The following MYO19 variants were observed in gnomAD, a reference collection of about 807,000 sequenced individuals.
MYO19 encodes unconventional myosin-XIX.
MYO19 carries 132 observed loss-of-function variants against 129.2 expected under a neutral mutation model. That is an observed-to-expected ratio of 1.02 (90% confidence interval 0.89 to 1.18). MYO19 has a LOEUF of 1.18. Among genes scored for constraint, MYO19 ranks in the 50% most tolerant of loss-of-function variants. The pLI is 0.00. For synonymous variants in MYO19, 531 were observed against 477.2 expected (o/e 1.11, Z -1.47); for missense variants, 1,210 against 1,216.7 (o/e 0.99, Z 0.08).
At chr17:36,506,895 A>G in intron 17 of MYO19, 68 bp downstream of exon 17, 2 of 1,443,584 alleles carry the variant, frequency 1.4e-6, no homozygotes, top group Non-Finnish European at 1.8e-6. Flanking sequence ...GGAAACTACT[A>G]TGTCTGCATA....
intron 19 of MYO19, 62 bp downstream of exon 19, chr17:36,505,235 C>T: frequency 7.0e-7 from 1 of 1,422,108 alleles, no homozygotes; most frequent in Non-Finnish European, 1.0e-6. Flanking sequence ...TGCCCTTCAT[C>T]TCTCCAGGGC....
At chr17:36,506,366 A>T in intron 18 of MYO19, 90 bp downstream of exon 18, 2 of 1,561,122 alleles carry the variant, frequency 1.3e-6, no homozygotes, top group South Asian at 2.2e-5. Context: ...GCTCCCCAAC[A>T]AACAGCACCG....
chr17:36,495,818 C>T lies in MYO19; in HGVS notation c.*433G>A, dbSNP rs1301498637. ...ATTAAATAAATCAACTAATTAAATACTAAAGTTTTGTTCCTTTTTAAAGGA... is the reference window on the plus strand; with the variant it reads ...ATTAAATAAATCAACTAATTAAATATTAAAGTTTTGTTCCTTTTTAAAGGA... On this transcript the variant is annotated 3_prime_UTR_variant, in exon 26 of 26. Coordinates refer to ENST00000614623, the MANE Select transcript of MYO19 (RefSeq NM_001163735.2). 2 of 1,240,646 alleles carry T rather than the reference C, an allele frequency of 1.6e-6. No homozygotes were observed. The highest frequency in any genetic ancestry group is 3.1e-5 in the East Asian group (1 of 32,282). The allele number at this position is 1,240,646 out of a possible 1,614,324, so 76.9% of individuals were successfully genotyped here. A position where few individuals can be genotyped will look rare whatever the true frequency, so the allele number is the denominator to read the frequency against.
chr17:36,514,502 T>C lies in MYO19; in HGVS notation c.664A>G (p.Lys222Glu), dbSNP rs765521555. The C allele has an allele frequency of 6.2e-7, 1 of 1,613,768 alleles. No homozygotes were observed. Among genetic ancestry groups the C allele is most frequent in the South Asian group, 1.1e-5 (1 of 91,076 alleles). The change falls in exon 9 of 26, where the codon AAA (lysine) becomes GAA (glutamate). Residue 222 changes from lysine to glutamate, a missense_variant. Physicochemically the swap from Lys to Glu is moderately conservative, Grantham distance 56. Coordinates refer to ENST00000614623, the MANE Select transcript of MYO19 (RefSeq NM_001163735.2). ...GAAGCCTGGCAGGCCACTCGAGTTTTCTCTAGGAGGTAGGTCTGGACTGCG... is the reference window on the plus strand; with the variant it reads ...GAAGCCTGGCAGGCCACTCGAGTTTCCTCTAGGAGGTAGGTCTGGACTGCG... ...GAAVQTYLLE[K>E]TRVACQASSE...
rs1329162495 is a variant in MYO19, at chr17:36,507,793, C to T, written c.1353+10G>A. 2 of 1,602,040 alleles carry T rather than the reference C, an allele frequency of 1.2e-6. No individual in the cohort carries two copies. Among genetic ancestry groups the T allele is most frequent in the Non-Finnish European group, 1.7e-6 (2 of 1,172,980 alleles). ...AGAAGGACCTGCCTCCTGCTCACCC[C>T]ATCCCTCACCTGCTGGGCCCTTAGG... On this transcript the variant is annotated intron_variant, in intron 15 of 25. Coordinates refer to ENST00000614623, the MANE Select transcript of MYO19 (RefSeq NM_001163735.2).
intron 6 of MYO19, among the ~76,000 whole-genome samples, chr17:36,523,199 A>C (rs1474919535): frequency 2.0e-5 from 3 of 151,596 alleles, no homozygotes; most frequent in East Asian, 1.9e-4. Flanking sequence ...AAAAAAAAAA[A>C]AACAAAAACA....
intron 6 of MYO19, among the ~76,000 whole-genome samples, chr17:36,519,097 C>T (rs947546625): frequency 6.6e-6 from 1 of 152,164 alleles, no homozygotes; most frequent in African/African-American, 2.4e-5. Context: ...GTTTTCCCCA[C>T]ATTTCCCAGG....
At position 36,527,977 on chromosome 17, in the gene MYO19, G is replaced by T. The variant is rs951607934; in HGVS notation, c.151+87C>A. On this transcript the variant is annotated intron_variant, in intron 4 of 25. Transcript: ENST00000614623. ...CAGATCAGGAGTCCTGCCGACCTCC[G>T]TCTGACCTGGAGAAGCTGTGCTGAC... 6 of 1,527,818 alleles carry T rather than the reference G, an allele frequency of 3.9e-6. No individual in the cohort carries two copies. In the East Asian group the frequency reaches 1.1e-4, roughly 29 times the overall value. 94.6% of individuals were successfully genotyped at this position (1,527,818 alleles called of 1,614,324 possible).
At chr17:36,528,623 T>C (rs1336137936) in intron 3 of MYO19, among the ~76,000 whole-genome samples, 1 of 152,070 alleles carries the variant, frequency 6.6e-6, no homozygotes, top group African/African-American at 2.4e-5. Context: ...GGTATCATAG[T>C]CTGGTTGGGT....
Position 36,515,959 on chromosome 17 carries a change from T to C in MYO19, c.446A>G (p.Tyr149Cys), listed in dbSNP as rs187710120. Residue 149 changes from tyrosine (Y) to cysteine (C), a missense_variant, in exon 7 of 26, where the codon TAT becomes TGT. Transcript: ENST00000614623. ...TGCAGGTGAGGTGGCCACCACAGCA[T>C]AGAACTTCATTAGGCAGCGAGACGT... ...TWTSRCLMKF[Y>C]AVVATSPASW... 2,523 of 1,613,392 alleles carry C rather than the reference T, an allele frequency of 1.6e-3. 7 individuals are homozygous for C. Among genetic ancestry groups the C allele is most frequent in the Non-Finnish European group, 1.6e-3 (1,924 of 1,179,646 alleles).
Position 36,506,440 on chromosome 17 carries a change from A to C in MYO19, c.1797+16T>G, listed in dbSNP as rs1243235075. On this transcript the variant is annotated intron_variant, in intron 18 of 25. Transcript: ENST00000614623. ...GAGTTTGAACCAAGCACCTCCCATC[A>C]GCACATCAGACCCACCTTGAACTTG... is the stretch of plus-strand genomic sequence containing the variant. 1 of 1,613,746 alleles carries C rather than the reference A, an allele frequency of 6.2e-7. No homozygotes were observed. Among genetic ancestry groups the C allele is most frequent in the Non-Finnish European group, 8.5e-7 (1 of 1,179,850 alleles).
At chr17:36,515,825 A>C in intron 7 of MYO19, 33 bp downstream of exon 7, 1 of 1,588,158 alleles carries the variant, frequency 6.3e-7, no homozygotes, top group Non-Finnish European at 8.6e-7. Flanking sequence ...AGGAAATGGG[A>C]CTGAGATACT....
intron 6 of MYO19, among the ~76,000 whole-genome samples, chr17:36,522,795 CAGG>C (rs2073219282): frequency 6.6e-6 from 1 of 152,216 alleles, no homozygotes; most frequent in South Asian, 2.1e-4. Flanking sequence ...ATCACGAGGT[CAGG>C]AGATCGAGAC....
chr17:36,513,628 C>T lies in MYO19; in HGVS notation c.817+1G>A. The T allele has an allele frequency of 6.2e-7, 1 of 1,613,990 alleles. No individual in the cohort carries two copies. Among genetic ancestry groups the T allele is most frequent in the Non-Finnish European group, 8.5e-7 (1 of 1,179,880 alleles). ...AAGGTGCTGGATGGGGCTCCCCTTA[C>T]CTTCTAAGCTCCTCTCTGGGTTGGG... On this transcript the variant is annotated splice_donor_variant, in intron 10 of 25. Coordinates refer to ENST00000614623, the MANE Select transcript of MYO19 (RefSeq NM_001163735.2). LOFTEE classifies it high-confidence loss of function.
At chr17:36,521,006 A>T (rs2073098521) in intron 6 of MYO19, among the ~76,000 whole-genome samples, 1 of 152,206 alleles carries the variant, frequency 6.6e-6, no homozygotes. Flanking sequence ...TCACTAATGC[A>T]TTCTTTTGCA....
Position 36,506,614 on chromosome 17 carries a change from G to A in MYO19, c.1645-6C>T. On this transcript the variant is annotated splice_polypyrimidine_tract_variant and splice_region_variant and intron_variant, in intron 17 of 25. Transcript: ENST00000614623. The stretch of plus-strand genomic sequence containing the variant: ...AGCTCAGGTGGGATAGGGTCCTATT[G>A]GGAAATGGCAAGAGCAGCAGTGAGG... The A allele has an allele frequency of 6.6e-7, 1 of 1,521,654 alleles. No homozygotes were observed. Among genetic ancestry groups the A allele is most frequent in the South Asian group, 1.3e-5 (1 of 75,244 alleles). 94.3% of individuals were successfully genotyped at this position (1,521,654 alleles called of 1,614,324 possible). A position where few individuals can be genotyped will look rare whatever the true frequency, so the allele number is the denominator to read the frequency against.
intron 9 of MYO19, 62 bp from the exon 10 acceptor site, chr17:36,513,787 G>T: frequency 1.1e-5 from 15 of 1,400,038 alleles, no homozygotes; most frequent in South Asian, 1.2e-5. Flanking sequence ...GGCCTGCATA[G>T]GCAGGCATGG....
At position 36,513,714 on chromosome 17, in the gene MYO19, T is replaced by G; in HGVS notation, c.732A>C (p.Gly244=). The change falls in exon 10 of 26, where the codon GGA becomes GGC. Residue 244 remains glycine, a synonymous_variant. Transcript: ENST00000614623. ...ACTGGAGCCTCTCGTCCTCACTGGC[T>G]CCTTTGCAAATCTGTGGAGAAGGGT... ...NFHIFYQICK[G]ASEDERLQWH... 1 of 1,613,558 alleles carries G rather than the reference T, an allele frequency of 6.2e-7. No individual in the cohort carries two copies. The highest frequency in any genetic ancestry group is 8.5e-7 in the Non-Finnish European group (1 of 1,179,738).
At chr17:36,502,259 G>C (rs2071586618) in intron 21 of MYO19, among the ~76,000 whole-genome samples, 1 of 152,084 alleles carries the variant, frequency 6.6e-6, no homozygotes, top group Non-Finnish European at 1.5e-5. Context: ...CCCATATGAG[G>C]GCCTCCAGAT....
Sources: allele counts gnomAD v4.1 joint callset (sites outside exome capture counted in the v4.1 genomes callset), GRCh38; gene constraint gnomAD v4.1.1; transcripts MANE v1.5; gene names NCBI Gene and HGNC (gene_info 2026-07-23, HGNC 2026-07-21).